PAK4: variants seen among roughly 807,000 people sequenced by gnomAD.
PAK4 encodes the protein p21 (RAC1) activated kinase 4.
A neutral mutation model predicts 53.5 loss-of-function variants in PAK4; 49 were observed. That is an observed-to-expected ratio of 0.92 (90% CI 0.73 to 1.16). The LOEUF is 1.16. PAK4 is among the 50% of genes most tolerant of loss of function. The pLI is 0.00. For missense variants in PAK4, 824 were observed against 850.7 expected, an observed-to-expected ratio of 0.97 and a Z score of 0.39; for synonymous variants, 376 against 375.6, an observed-to-expected ratio of 1.00 and a Z score of -0.01.
chr19:39,136,153 C>G (rs1015574637), intron 1 of PAK4, among the ~76,000 whole-genome samples: 1 of 136,324 alleles, frequency 7.3e-6, no homozygotes, highest in East Asian at 2.4e-4. Flanking sequence ...TACCCTTCTT[C>G]CTCGTGGCCC....
intron 1 of PAK4, among the ~76,000 whole-genome samples, chr19:39,165,652 C>T (rs920549016): frequency 2.0e-5 from 3 of 152,222 alleles, no homozygotes; most frequent in African/African-American, 7.2e-5. Flanking sequence ...TACACAACCG[C>T]CCAGGTTCAA....
At chr19:39,174,854 C>T in intron 4 of PAK4, 77 bp from the exon 6 acceptor site, 1 of 1,565,054 alleles carries the variant, frequency 6.4e-7, no homozygotes, top group East Asian at 2.2e-5. Flanking sequence ...CAGGGGGAGC[C>T]AGGGGGGTGG....
At chr19:39,133,493 A>G (rs2073752394) in intron 1 of PAK4, among the ~76,000 whole-genome samples, 1 of 152,120 alleles carries the variant, frequency 6.6e-6, no homozygotes, top group South Asian at 2.1e-4. Flanking sequence ...GCCCCGTCAC[A>G]GAGCAAGAGG....
intron 1 of PAK4, among the ~76,000 whole-genome samples, chr19:39,128,838 C>T (rs2073643137): frequency 6.6e-6 from 1 of 152,192 alleles, no homozygotes; most frequent in Non-Finnish European, 1.5e-5. Context: ...AGCAACAGCT[C>T]TTGCCCCTGG....
rs1209714662 is a variant in PAK4 at position 39,173,178 on chromosome 19, G to A, written c.465G>A (p.Gly155=). The change falls in exon 3 of 9, where the codon GGG becomes GGA. Residue 155 remains glycine (G), a synonymous_variant. Coordinates refer to ENST00000358301, the Ensembl canonical transcript of PAK4. The surrounding 1 kb of genome is among the most constrained non-coding windows in gnomAD (Gnocchi z 6.9). ...GCAGTGGTGACAGGCGACGGGCGGG[G>A]CCAGAGAAGAGGCCCAAGTCTTCCA... 7 of 1,541,840 alleles carry A rather than the reference G, an allele frequency of 4.5e-6. No individual in the cohort carries two copies. The highest frequency in any genetic ancestry group is 4.4e-6 in the Non-Finnish European group (5 of 1,141,406).
Position 39,178,406 on chromosome 19 carries a change from T to A in PAK4, c.1621-18T>A. On this transcript the variant is annotated intron_variant, in intron 8 of 8. Coordinates refer to ENST00000358301, the Ensembl canonical transcript of PAK4. This position sits in a 1 kb window ranked among gnomAD's most constrained non-coding sequence, Gnocchi z 4.4. ...AGTGGGGAGCCTCGCCCCCTGACCC[T>A]CCCCTCCTTCTCGACAGGTGTCGCC... 1 of 1,569,012 alleles carries A rather than the reference T, an allele frequency of 6.4e-7. No homozygotes were observed. The highest frequency in any genetic ancestry group is 8.6e-7 in the Non-Finnish European group (1 of 1,158,030).
chr19:39,126,449 G>C (rs1807018), intron 1 of PAK4, among the ~76,000 whole-genome samples: 6 of 91,704 alleles, frequency 6.5e-5, no homozygotes, highest in South Asian at 4.8e-4. Flanking sequence ...GGGGACGGGG[G>C]GGGGGGGGGG....
At chr19:39,169,393 G>C in intron 1 of PAK4, 139 bp from the exon 3 acceptor site, 1 of 658,560 alleles carries the variant, frequency 1.5e-6, no homozygotes, top group Non-Finnish European at 2.7e-6. Flanking sequence ...GGCGCAGGGG[G>C]TGGGCAGGGA....
At chr19:39,165,721 A>G (rs2074364952) in intron 1 of PAK4, among the ~76,000 whole-genome samples, 5 of 152,064 alleles carry the variant, frequency 3.3e-5, no homozygotes, top group African/African-American at 9.7e-5. Flanking sequence ...CATGCCCTGG[A>G]CAAGGGCCTT....
At chr19:39,181,533 C>G (rs1234833453), downstream of PAK4, 1 of 152,326 alleles carries the variant, frequency 6.6e-6, no homozygotes, top group Non-Finnish European at 1.5e-5. Flanking sequence ...TCCCCAAACC[C>G]CACTCTCGCC....
intron 1 of PAK4, among the ~76,000 whole-genome samples, chr19:39,165,218 T>TAATAATAATAATAATAAG (rs2074351751): frequency 6.7e-6 from 1 of 148,388 alleles, no homozygotes; most frequent in Non-Finnish European, 1.5e-5. Context: ...ATAATAATAA[T>TAATAATAATAATAATAAG]AAGGCCGGGC....
rs538959978 is a variant in PAK4 at position 39,168,995 on chromosome 19, C to G, written c.-22-537C>G. On this transcript the variant is annotated intron_variant, in intron 1 of 8. Coordinates refer to ENST00000358301, the Ensembl canonical transcript of PAK4. ...CCAGCCAGAATGTGGCACTGACACT[C>G]TAGCGGTGCGGTGTGGATGCTGCAC... 8.5e-5 allele frequency among the ~76,000 whole-genome samples: 13 copies of G among 152,324 alleles called. No homozygotes were observed. The South Asian group carries it at 2.3e-3, about 27-fold the overall frequency.
At chr19:39,137,241 C>T (rs1028380657) in intron 1 of PAK4, among the ~76,000 whole-genome samples, 11 of 152,070 alleles carry the variant, frequency 7.2e-5, no homozygotes, top group Non-Finnish European at 1.0e-4. Flanking sequence ...ACCCGGTTGC[C>T]GCCCATTTGG....
chr19:39,174,894 C>T, intron 4 of PAK4, 37 bp from the exon 6 acceptor site: 15 of 1,612,074 alleles, frequency 9.3e-6, no homozygotes, highest in Non-Finnish European at 1.3e-5. Context: ...TGGCAGCCCT[C>T]CCGCCTCCCT....
At chr19:39,145,236 T>TGCCTC (rs1568504347) in intron 1 of PAK4, among the ~76,000 whole-genome samples, 1 of 152,122 alleles carries the variant, frequency 6.6e-6, no homozygotes. Context: ...AGCCCCCAGG[T>TGCCTC]GCCTCCCCCA....
chr19:39,129,402 T>C (rs1452855367), intron 1 of PAK4, among the ~76,000 whole-genome samples: 1 of 152,108 alleles, frequency 6.6e-6, no homozygotes, highest in East Asian at 1.9e-4. Flanking sequence ...GGAACGCGTG[T>C]TCCTGTAGAC....
intron 1 of PAK4, among the ~76,000 whole-genome samples, chr19:39,144,288 T>C (rs1266032526): frequency 2.6e-5 from 4 of 152,122 alleles, no homozygotes; most frequent in Non-Finnish European, 5.9e-5. Flanking sequence ...TGACATGTCT[T>C]CTCTCTGAGC....
At chr19:39,141,131 C>T (rs977256179) in intron 1 of PAK4, among the ~76,000 whole-genome samples, 3 of 152,154 alleles carry the variant, frequency 2.0e-5, no homozygotes, top group African/African-American at 4.8e-5. Flanking sequence ...TAGTCTCGCG[C>T]CCTCCTGGGG....
At chr19:39,150,787 C>T (rs1365178809) in intron 1 of PAK4, among the ~76,000 whole-genome samples, 2 of 152,226 alleles carry the variant, frequency 1.3e-5, no homozygotes, top group South Asian at 2.1e-4. Flanking sequence ...TTGGCACCCA[C>T]GTTGTCTCCC....
Sources: allele counts gnomAD v4.1 joint callset (sites outside exome capture counted in the v4.1 genomes callset), GRCh38; gene constraint gnomAD v4.1.1; non-coding constraint Gnocchi (gnomAD v3.1); transcripts MANE v1.5; gene names NCBI Gene and HGNC (gene_info 2026-07-23, HGNC 2026-07-21).